The following GRID2 variants were observed in gnomAD, a reference collection of about 807,000 sequenced individuals.
GRID2 encodes glutamate ionotropic receptor delta type subunit 2, also known as glutamate receptor ionotropic, delta-2.
In GRID2, 33 loss-of-function variants were observed where a neutral mutation model predicts 114.8. That is an observed-to-expected ratio of 0.29 (90% CI 0.22 to 0.38). The LOEUF (loss-of-function observed/expected upper bound fraction) is 0.38, where lower values mean the gene tolerates loss of function less well. Among genes scored for constraint, GRID2 ranks in the 10% least tolerant of loss-of-function variants. The pLI, the probability that GRID2 is intolerant of heterozygous loss-of-function variation, is 1.00. For missense variants in GRID2, 1,184 were observed against 1,257.7 expected, an observed-to-expected ratio of 0.94 and a Z score of 0.89; for synonymous variants, 505 against 449.9, an observed-to-expected ratio of 1.12 and a Z score of -1.55.
chr4:92,448,137 AT>A (rs1359871343), intron 1 of GRID2, among the ~76,000 whole-genome samples: 1 of 143,892 alleles, frequency 6.9e-6, no homozygotes, highest in African/African-American at 2.6e-5. Context: ...TATTTTATGT[AT>A]GTATGTATGT....
intron 4 of GRID2, among the ~76,000 whole-genome samples, chr4:93,116,014 T>C (rs1733209042): frequency 6.6e-6 from 1 of 152,200 alleles, no homozygotes; most frequent in South Asian, 2.1e-4. Flanking sequence ...GTTGATTTAT[T>C]AGTTTGTCAT....
intron 2 of GRID2, among the ~76,000 whole-genome samples, chr4:92,974,900 G>A (rs187931637): frequency 0.011 from 1,651 of 151,980 alleles, 10 homozygotes; most frequent in Admixed American, 0.017. Context: ...GCTCACGCCT[G>A]TAATCCCAGC....
At chr4:92,374,903 A>C (rs944482685) in intron 1 of GRID2, among the ~76,000 whole-genome samples, 10 of 152,168 alleles carry the variant, frequency 6.6e-5, no homozygotes, top group Non-Finnish European at 1.5e-5. Context: ...TATCAATCTG[A>C]ATATGTGGAT....
intron 2 of GRID2, among the ~76,000 whole-genome samples, chr4:92,791,517 AAAG>A (rs1176702743): frequency 6.6e-6 from 1 of 151,930 alleles, no homozygotes; most frequent in Non-Finnish European, 1.5e-5. Context: ...TGCTTTAAAT[AAAG>A]AATTATACAG....
At chr4:92,670,159 CT>C (rs1318252861) in intron 2 of GRID2, among the ~76,000 whole-genome samples, 3 of 152,012 alleles carry the variant, frequency 2.0e-5, no homozygotes, top group Admixed American at 6.6e-5. Context: ...TTGTAGTAGC[CT>C]TTGATTAATC....
At chr4:93,530,759 G>A (rs1318360002) in intron 13 of GRID2, among the ~76,000 whole-genome samples, 2 of 152,026 alleles carry the variant, frequency 1.3e-5, no homozygotes, top group East Asian at 1.9e-4. Context: ...TATCTCTACA[G>A]CATTGAGCTT....
intron 8 of GRID2, chr4:93,258,949 G>A (rs1478081670): frequency 4.4e-6 from 2 of 455,362 alleles, no homozygotes; most frequent in Non-Finnish European, 8.8e-6. Flanking sequence ...CCCAGGTGAG[G>A]AATATTAATA....
At chr4:93,041,299 G>A (rs1255220216) in intron 2 of GRID2, among the ~76,000 whole-genome samples, 1 of 152,126 alleles carries the variant, frequency 6.6e-6, no homozygotes, top group South Asian at 2.1e-4. Context: ...AACTTACAGG[G>A]CACTGCTTAG....
rs17019937 is a variant in GRID2 at position 92,859,601 on chromosome 4, A to G, written c.245-225394A>G. 5.9e-3 allele frequency among the ~76,000 whole-genome samples: 901 copies of G among 152,304 alleles called. 15 individuals carry two copies. The highest frequency in any genetic ancestry group is 0.021 in the African/African-American group (855 of 41,560). ...TATCCTCAGATTTTTTCCTTGGATT[A>G]TATTTCCAGATTCACCTTGTAAAAA... On this transcript the variant is annotated intron_variant, in intron 2 of 15. Coordinates refer to ENST00000282020, the MANE Select transcript of GRID2 (RefSeq NM_001510.4).
chr4:92,805,542 T>C (rs1740367782), intron 2 of GRID2, among the ~76,000 whole-genome samples: 1 of 152,030 alleles, frequency 6.6e-6, no homozygotes, highest in South Asian at 2.1e-4. Context: ...AAATGCCAAC[T>C]AATAAAATGT....
Position 93,085,265 on chromosome 4 carries a change from A to G in GRID2, c.515A>G (p.Tyr172Cys), listed in dbSNP as rs148238900. ...GCCTGGCAGAAATTCATTATATTCT[A>G]TGATAGTGAATACGGTAAGTGTTTA... ...EYAWQKFIIF[Y>C]DSEYDIRGIQ... Residue 172 changes from tyrosine (Y) to cysteine (C), a missense_variant, in exon 3 of 16, where the codon TAT becomes TGT. By Grantham distance (194) the Tyr-to-Cys change is radical. This residue lies in a region of GRID2 where 455 missense variants were observed against 429.5 expected (regional missense o/e 1.06). Coordinates refer to ENST00000282020, the MANE Select transcript of GRID2 (RefSeq NM_001510.4). The G allele has an allele frequency of 3.1e-6, 5 of 1,610,980 alleles. No individual in the cohort carries two copies. In the African/African-American group the frequency reaches 5.3e-5, roughly 17 times the overall value.
rs367899586 is a variant in GRID2 at position 93,246,657 on chromosome 4, T to C, written c.1245+8167T>C. Among the ~76,000 whole-genome samples the C allele has an allele frequency of 1.1e-3, 172 of 152,202 alleles. 3 individuals are homozygous for C. The highest frequency in any genetic ancestry group is 4.1e-3 in the African/African-American group (170 of 41,546). On this transcript the variant is annotated intron_variant, in intron 8 of 15. Coordinates refer to ENST00000282020, the MANE Select transcript of GRID2 (RefSeq NM_001510.4). ...AGTATGTTGTGAACACAATAGCTTT[T>C]ATTTCTTTATCCCATTCTCCTTTAT...
At position 93,618,524 on chromosome 4, in the gene GRID2, G is replaced by A. The variant is rs1207695210; in HGVS notation, c.2194-7745G>A. 3.3e-5 allele frequency among the ~76,000 whole-genome samples: 5 copies of A among 152,294 alleles called. No homozygotes were observed. The South Asian group carries it at 8.3e-4, about 25-fold the overall frequency. On this transcript the variant is annotated intron_variant, in intron 13 of 15. Coordinates refer to ENST00000282020, the MANE Select transcript of GRID2 (RefSeq NM_001510.4). ...CTGAGACACACAGAAGCAGCTAAGG[G>A]CTCTCCAGTCTTCTGGTCTGACCCA...
intron 1 of GRID2, among the ~76,000 whole-genome samples, chr4:92,406,896 C>T (rs373297945): frequency 1.5e-4 from 23 of 151,928 alleles, no homozygotes; most frequent in South Asian, 1.2e-3. Flanking sequence ...TTCTTTCTTA[C>T]GGCTGCATGT....
intron 13 of GRID2, among the ~76,000 whole-genome samples, chr4:93,619,597 C>T (rs941048945): frequency 6.6e-6 from 1 of 152,162 alleles, no homozygotes; most frequent in African/African-American, 2.4e-5. Context: ...TTTCATTATT[C>T]AAGCTTTATT....
chr4:93,688,920 A>G (rs1726305994), intron 14 of GRID2, among the ~76,000 whole-genome samples: 1 of 152,072 alleles, frequency 6.6e-6, no homozygotes, highest in Non-Finnish European at 1.5e-5. Context: ...GTGTCCCTAC[A>G]AAATTCGTAT....
intron 14 of GRID2, among the ~76,000 whole-genome samples, chr4:93,664,861 A>G (rs376332398): frequency 1.4e-4 from 22 of 152,324 alleles, no homozygotes; most frequent in African/African-American, 5.3e-4. Context: ...GAATTCAACA[A>G]AAGAAGAGGT....
chr4:92,932,479 T>G (rs1049589432), intron 2 of GRID2, among the ~76,000 whole-genome samples: 2 of 151,210 alleles, frequency 1.3e-5, no homozygotes, highest in African/African-American at 4.8e-5. Context: ...GTAGGAAAAA[T>G]GTATGTGAAA....
At chr4:92,880,202 G>A (rs1745910162) in intron 2 of GRID2, among the ~76,000 whole-genome samples, 1 of 152,196 alleles carries the variant, frequency 6.6e-6, no homozygotes, top group African/African-American at 2.4e-5. Flanking sequence ...AGGTAGGGAT[G>A]AAAATGAAAT....
Sources: gnomAD v4.1 joint callset for allele counts (sites outside exome capture counted in the v4.1 genomes callset) on GRCh38, gnomAD v4.1.1 for gene constraint, gnomAD v4.1.1 regional missense constraint, MANE v1.5 for transcripts, NCBI Gene and HGNC (gene_info 2026-07-23, HGNC 2026-07-21) for gene names.